KALRN: variants seen among roughly 807,000 people sequenced by gnomAD.
KALRN encodes the protein kalirin RhoGEF kinase.
Under a neutral mutation model 353.7 loss-of-function variants are expected in KALRN, and 70 were observed. The ratio of observed to expected loss-of-function variants is 0.20; its 90% CI spans 0.16 to 0.24. KALRN has a LOEUF of 0.24. KALRN is among the 10% of genes least tolerant of loss of function. The pLI is 1.00. For synonymous variants in KALRN, 1,391 were observed against 1,434.8 expected, an observed-to-expected ratio of 0.97 and a Z score of 0.69; for missense variants, 2,791 against 3,756.7, an observed-to-expected ratio of 0.74 and a Z score of 6.72.
intron 1 of KALRN, among the ~76,000 whole-genome samples, chr3:124,109,362 T>A (rs534547326): frequency 6.6e-6 from 1 of 152,206 alleles, no homozygotes; most frequent in African/African-American, 2.4e-5. Context: ...TAGCTGTGTC[T>A]AATCTGCAAT....
intron 5 of KALRN, among the ~76,000 whole-genome samples, chr3:124,296,160 C>G (rs1346909005): frequency 2.6e-5 from 4 of 152,172 alleles, no homozygotes; most frequent in African/African-American, 9.6e-5. Context: ...TGTTACAGCC[C>G]TGATGTCTCT....
chr3:124,066,721 A>G (rs2042391745), intron 1 of KALRN, among the ~76,000 whole-genome samples: 1 of 152,158 alleles, frequency 6.6e-6, no homozygotes, highest in African/African-American at 2.4e-5. Flanking sequence ...TCCAGAGGGC[A>G]AGGGAGCCTT....
chr3:124,111,668 T>TAG (rs1314091689), intron 1 of KALRN, among the ~76,000 whole-genome samples: 3 of 152,192 alleles, frequency 2.0e-5, no homozygotes, highest in Non-Finnish European at 4.4e-5. Context: ...CAAGAAAATA[T>TAG]AGAGCCAAAC....
At chr3:124,055,670 G>A (rs937229442) in intron 1 of KALRN, among the ~76,000 whole-genome samples, 1 of 152,152 alleles carries the variant, frequency 6.6e-6, no homozygotes, top group Non-Finnish European at 1.5e-5. Flanking sequence ...AGACTCATGC[G>A]CTGAGTGTGT....
chr3:124,199,743 A>T (rs2075787949), intron 1 of KALRN, among the ~76,000 whole-genome samples: 1 of 152,170 alleles, frequency 6.6e-6, no homozygotes, highest in Non-Finnish European at 1.5e-5. Flanking sequence ...ATGAGCCTGT[A>T]CAGCAACACA....
chr3:124,126,273 C>A (rs543914826), intron 1 of KALRN, among the ~76,000 whole-genome samples: 2 of 152,004 alleles, frequency 1.3e-5, no homozygotes, highest in South Asian at 4.2e-4. Flanking sequence ...AAGGATTTTT[C>A]AGTAGGATTC....
At chr3:124,600,660 A>G (rs559092727) in intron 34 of KALRN, among the ~76,000 whole-genome samples, 3 of 152,222 alleles carry the variant, frequency 2.0e-5, no homozygotes, top group Non-Finnish European at 4.4e-5. Flanking sequence ...TATATGTGAT[A>G]TCATATATGT....
chr3:124,099,659 A>G (rs559657269), intron 1 of KALRN, among the ~76,000 whole-genome samples: 1 of 152,328 alleles, frequency 6.6e-6, no homozygotes, highest in South Asian at 2.1e-4. Flanking sequence ...TAACAACTGT[A>G]CTAATTTACA....
rs3055892 is a variant in KALRN, at chr3:124,304,127, AACACACAC to A, written c.1092+5241_1092+5248del. On this transcript the variant is annotated intron_variant, in intron 6 of 59. Coordinates refer to ENST00000682506, the MANE Select transcript of KALRN (RefSeq NM_001388419.1). ...GTCAGAATTTCTAGATTTTGTTGTA[AACACACAC>A]ACACACACACACACACACACACACA... Among the ~76,000 whole-genome samples the A allele has an allele frequency of 8.9e-4, 132 of 147,488 alleles. No homozygotes were observed. In the East Asian group the frequency reaches 0.01, roughly 11 times the overall value.
chr3:124,653,342 A>G (rs2150129495), intron 38 of KALRN, among the ~76,000 whole-genome samples: 1 of 152,354 alleles, frequency 6.6e-6, no homozygotes, highest in South Asian at 2.1e-4. Context: ...AGTTTTAGTC[A>G]TTCAACAAAT....
chr3:124,282,313 A>T (rs1412052523), intron 5 of KALRN, among the ~76,000 whole-genome samples: 1 of 151,764 alleles, frequency 6.6e-6, no homozygotes, highest in Non-Finnish European at 1.5e-5. Flanking sequence ...GAAAGAAGTG[A>T]TTATGAAGGT....
intron 1 of KALRN, chr3:124,094,583 C>G (rs1269367230): frequency 3.7e-6 from 2 of 541,926 alleles, no homozygotes; most frequent in Non-Finnish European, 6.7e-6. Context: ...GCATCTCCGA[C>G]CTCCCCTTGG....
intron 12 of KALRN, among the ~76,000 whole-genome samples, chr3:124,396,318 C>T (rs1372673253): frequency 6.6e-6 from 1 of 152,120 alleles, no homozygotes; most frequent in Non-Finnish European, 1.5e-5. Flanking sequence ...CTTTAGAAGG[C>T]CCTGGCATGT....
chr3:124,624,253 T>A (rs993629558), intron 34 of KALRN, among the ~76,000 whole-genome samples: 5 of 152,220 alleles, frequency 3.3e-5, no homozygotes, highest in African/African-American at 4.8e-5. Flanking sequence ...TTGCAGTGCT[T>A]GCGTTCAAGT....
intron 33 of KALRN, among the ~76,000 whole-genome samples, chr3:124,512,259 G>A (rs758813361): frequency 1.2e-4 from 18 of 152,184 alleles, no homozygotes; most frequent in African/African-American, 2.7e-4. Flanking sequence ...CATGACTGTC[G>A]CTGGCGCAAT....
At chr3:124,422,710 T>C in intron 14 of KALRN, 102 bp from the exon 15 acceptor site, 1 of 928,188 alleles carries the variant, frequency 1.1e-6, no homozygotes, top group Non-Finnish European at 1.7e-6. Context: ...AGGGTATGAA[T>C]AATGGCTGTT....
At chr3:124,170,831 CTTTTTTTTTTTTTTTTT>C (rs752783614) in intron 1 of KALRN, among the ~76,000 whole-genome samples, 47 of 47,146 alleles carry the variant, frequency 1.0e-3, no homozygotes, top group East Asian at 8.2e-3. Context: ...CTTCCACATT[CTTTTTTTTTTTTTTTTT>C]TTTTTTTTTT....
chr3:124,429,349 C>T (rs1467323942), intron 15 of KALRN, among the ~76,000 whole-genome samples: 5 of 152,034 alleles, frequency 3.3e-5, no homozygotes, highest in Non-Finnish European at 5.9e-5. Context: ...TTCTAGAGCA[C>T]GAGACTGGGC....
At chr3:124,379,151 C>T (rs2086970766) in intron 10 of KALRN, among the ~76,000 whole-genome samples, 1 of 152,036 alleles carries the variant, frequency 6.6e-6, no homozygotes, top group Non-Finnish European at 1.5e-5. Flanking sequence ...TTTTCAAGTT[C>T]AGTCATTTTA....
Sources: allele counts gnomAD v4.1 joint callset (sites outside exome capture counted in the v4.1 genomes callset), GRCh38; gene constraint gnomAD v4.1.1; transcripts MANE v1.5; gene names NCBI Gene and HGNC (gene_info 2026-07-23, HGNC 2026-07-21).